CAST: variants seen among roughly 807,000 people sequenced by gnomAD.
CAST encodes MIR583 host.
A neutral mutation model predicts 119.6 loss-of-function variants in CAST; 76 were observed. The ratio of observed to expected loss-of-function variants is 0.64; its 90% CI spans 0.53 to 0.77. The LOEUF is 0.77. CAST is among the 30% of genes least tolerant of loss of function. CAST has a pLI of 0.00. For synonymous variants in CAST, 319 were observed against 331.6 expected (o/e 0.96, Z 0.41); for missense variants, 953 against 946.5 (o/e 1.01, Z -0.09).
intron 2 of CAST, among the ~76,000 whole-genome samples, chr5:96,684,332 A>G (rs1751796170): frequency 6.6e-6 from 1 of 152,170 alleles, no homozygotes. Context: ...TTATTAGCTC[A>G]GTAAAGAGAA....
chr5:96,112,793 T>C, the CAST span, among the ~76,000 whole-genome samples: 1 of 152,218 alleles, frequency 6.6e-6, no homozygotes, highest in African/African-American at 2.4e-5. Context: ...AGCCAACAAC[T>C]GGACAAAATC....
the CAST span, among the ~76,000 whole-genome samples, chr5:96,365,643 C>T: frequency 1.3e-5 from 2 of 152,168 alleles, no homozygotes; most frequent in Admixed American, 1.3e-4. Flanking sequence ...ACTAGGATTG[C>T]AACCCCTGCC....
intron 2 of CAST, among the ~76,000 whole-genome samples, chr5:96,681,221 C>T (rs879799480): frequency 6.6e-6 from 1 of 152,094 alleles, no homozygotes; most frequent in East Asian, 1.9e-4. Flanking sequence ...CATGTTTTCT[C>T]GTTGGTGACT....
At chr5:95,978,517 G>A in the CAST span, among the ~76,000 whole-genome samples, 1 of 151,188 alleles carries the variant, frequency 6.6e-6, no homozygotes, top group African/African-American at 2.4e-5. Context: ...TTGTAAATTT[G>A]TTTGTTTCTT....
chr5:96,005,900 A>G, the CAST span, among the ~76,000 whole-genome samples: 22 of 152,152 alleles, frequency 1.4e-4, no homozygotes, highest in Non-Finnish European at 2.9e-4. Context: ...GAACATCAAG[A>G]TGTACAGAAA....
At chr5:96,451,933 G>T in the CAST span, among the ~76,000 whole-genome samples, 1 of 152,128 alleles carries the variant, frequency 6.6e-6, no homozygotes, top group Non-Finnish European at 1.5e-5. Flanking sequence ...AATCAAAACC[G>T]CAATGAGATA....
chr5:96,282,480 G>C, the CAST span, among the ~76,000 whole-genome samples: 184 of 152,308 alleles, frequency 1.2e-3, no homozygotes, highest in Non-Finnish European at 2.2e-3. Context: ...CCTTGGAGTT[G>C]TGCAGTGCAT....
chr5:96,179,293 C>T, the CAST span, among the ~76,000 whole-genome samples: 1 of 152,190 alleles, frequency 6.6e-6, no homozygotes, highest in Non-Finnish European at 1.5e-5. Flanking sequence ...AATGAATATT[C>T]CCTGTCCTAC....
intron 1 of CAST, among the ~76,000 whole-genome samples, chr5:96,619,038 G>C (rs1480357241): frequency 6.6e-6 from 1 of 151,996 alleles, no homozygotes; most frequent in East Asian, 1.9e-4. Context: ...AGCACTCTGT[G>C]TCTAGCTAAA....
the CAST span, among the ~76,000 whole-genome samples, chr5:96,189,289 T>A: frequency 1.3e-5 from 2 of 152,184 alleles, no homozygotes; most frequent in African/African-American, 4.8e-5. Context: ...GAGGGCTAGG[T>A]GGATAATGGT....
chr5:96,741,602 C>G (rs372014307), intron 15 of CAST, 22 bp downstream of exon 15: 8 of 1,536,802 alleles, frequency 5.2e-6, no homozygotes, highest in African/African-American at 2.7e-5. Flanking sequence ...GTCTACCTGA[C>G]AGCAGTTGCT....
chr5:96,658,979 T>A (rs988374842), upstream of CAST, among the ~76,000 whole-genome samples: 2 of 152,254 alleles, frequency 1.3e-5, no homozygotes, highest in African/African-American at 4.8e-5. Context: ...GCTCTGTTTT[T>A]TATTTCTTTA....
chr5:96,045,356 GAAA>G, the CAST span, among the ~76,000 whole-genome samples: 3,049 of 102,004 alleles, frequency 0.03, 72 homozygotes, highest in Admixed American at 0.11. Flanking sequence ...TCTGTCTCAA[GAAA>G]AAAAAAAAAA....
the CAST span, among the ~76,000 whole-genome samples, chr5:96,046,354 G>A: frequency 6.6e-6 from 1 of 152,184 alleles, no homozygotes; most frequent in Non-Finnish European, 1.5e-5. Flanking sequence ...CTATTAGGCT[G>A]GAGTGCCATG....
At chr5:96,171,993 G>A in the CAST span, among the ~76,000 whole-genome samples, 1 of 151,756 alleles carries the variant, frequency 6.6e-6, no homozygotes, top group African/African-American at 2.4e-5. Flanking sequence ...TCCGTGTGAA[G>A]AGACCGCCAA....
chr5:96,071,038 T>C, the CAST span, among the ~76,000 whole-genome samples: 1 of 152,108 alleles, frequency 6.6e-6, no homozygotes, highest in Non-Finnish European at 1.5e-5. Flanking sequence ...TAAAGGGCAC[T>C]GGATTCCCCA....
the CAST span, among the ~76,000 whole-genome samples, chr5:96,084,313 G>T: frequency 1.3e-5 from 2 of 152,182 alleles, no homozygotes; most frequent in Admixed American, 1.3e-4. Flanking sequence ...GTATGTTGGG[G>T]CTGGCCAGAG....
chr5:96,081,055 T>G, the CAST span, among the ~76,000 whole-genome samples: 1 of 152,212 alleles, frequency 6.6e-6, no homozygotes, highest in Non-Finnish European at 1.5e-5. Flanking sequence ...AAAAGGCCTA[T>G]GTGCCTAGAT....
At chr5:95,961,519 G>T in the CAST span, 1 of 1,458,020 alleles carries the variant, frequency 6.9e-7, no homozygotes, top group South Asian at 1.4e-5. Context: ...GCGCGGCCAG[G>T]CCGTGAGGGG....
Sources: allele counts gnomAD v4.1 joint callset (sites outside exome capture counted in the v4.1 genomes callset), GRCh38; gene constraint gnomAD v4.1.1; transcripts MANE v1.5; gene names NCBI Gene and HGNC (gene_info 2026-07-23, HGNC 2026-07-21).